The following ARHGEF18 variants were observed in gnomAD, a reference collection of about 807,000 sequenced individuals.
ARHGEF18 encodes rho guanine nucleotide exchange factor 18.
Under a neutral mutation model 155.7 loss-of-function variants are expected in ARHGEF18, and 93 were observed. That is an observed-to-expected ratio of 0.60 (90% confidence interval 0.50 to 0.71). The LOEUF is 0.71. ARHGEF18 is among the 30% of genes least tolerant of loss of function. ARHGEF18 has a pLI of 0.00. For synonymous variants in ARHGEF18, 742 were observed against 753.1 expected, an observed-to-expected ratio of 0.99 and a Z score of 0.24; for missense variants, 1,593 against 1,816.1, an observed-to-expected ratio of 0.88 and a Z score of 2.23.
intron 27 of ARHGEF18, 97 bp from the exon 28 acceptor site, chr19:7,469,807 G>T (rs1307533524): frequency 8.1e-5 from 118 of 1,456,830 alleles, no homozygotes; most frequent in Non-Finnish European, 1.1e-4. Flanking sequence ...GAAGTGTCAG[G>T]TGGGGGTGGC....
intron 1 of ARHGEF18, among the ~76,000 whole-genome samples, chr19:7,358,287 A>T (rs1969406614): frequency 1.3e-5 from 2 of 150,796 alleles, no homozygotes; most frequent in South Asian, 4.2e-4. Flanking sequence ...CCATCCATCC[A>T]TCCATCCACT....
chr19:7,411,692 A>G (rs1972696437), intron 10 of ARHGEF18, among the ~76,000 whole-genome samples: 1 of 152,040 alleles, frequency 6.6e-6, no homozygotes, highest in Non-Finnish European at 1.5e-5. Context: ...TGCTACCATC[A>G]CCACCATCCA....
In ARHGEF18 at chr19:7,372,897, A is replaced by G; in HGVS notation, c.101A>G (p.Gln34Arg). The change falls in exon 3 of 29, where the codon CAG becomes CGG. Residue 34 changes from glutamine (Q) to arginine (R), a missense_variant. Physicochemically the swap from Gln to Arg is conservative, Grantham distance 43. Coordinates refer to ENST00000668164, the MANE Select transcript of ARHGEF18 (RefSeq NM_001367823.1). ...LGALQGSEYL[Q>R]DLGLGAPSHS... ...GCCCTTCAGGGCAGCGAGTATCTGC[A>G]GGACCTGGGCCTTGGGGCCCCTTCC... 1.6e-6 allele frequency: 2 copies of G among 1,234,506 alleles called. No homozygotes were observed. The highest frequency in any genetic ancestry group is 2.0e-6 in the Non-Finnish European group (2 of 988,260). The allele number at this position is 1,234,506 out of a possible 1,614,324, so 76.5% of individuals were successfully genotyped here.
In ARHGEF18 at chr19:7,359,250, A is replaced by C. The variant is rs1372514533; in HGVS notation, c.-110-3531A>C. On this transcript the variant is annotated intron_variant, in intron 1 of 28. Coordinates refer to ENST00000668164, the MANE Select transcript of ARHGEF18 (RefSeq NM_001367823.1). Reference sequence around the variant, plus strand: ...TCAGAGGGTTATATCAAAAGGACACACCAACTCCAGGACAGAAGATGGACT... The same window carrying C: ...TCAGAGGGTTATATCAAAAGGACACCCCAACTCCAGGACAGAAGATGGACT... 2.6e-5 allele frequency among the ~76,000 whole-genome samples: 4 copies of C among 152,284 alleles called. No individual in the cohort carries two copies. The East Asian group carries it at 5.8e-4, about 22-fold the overall frequency.
chr19:7,361,200 C>T (rs753631767), intron 1 of ARHGEF18, among the ~76,000 whole-genome samples: 46 of 152,200 alleles, frequency 3.0e-4, no homozygotes, highest in Non-Finnish European at 6.0e-4. Context: ...CTTTGGGAGG[C>T]CAAGGCGGGG....
chr19:7,387,387 C>T (rs563793794), intron 10 of ARHGEF18, among the ~76,000 whole-genome samples: 2 of 152,024 alleles, frequency 1.3e-5, no homozygotes, highest in African/African-American at 2.4e-5. Context: ...CTCCTGACCT[C>T]GTGATCTGCC....
chr19:7,371,432 C>T (rs1013085195), intron 2 of ARHGEF18, among the ~76,000 whole-genome samples: 8 of 152,198 alleles, frequency 5.3e-5, no homozygotes, highest in African/African-American at 1.4e-4. Flanking sequence ...CCTGTAATCC[C>T]AACACTTTGG....
rs1399797637 is a variant in ARHGEF18, at chr19:7,383,122, G to A, written c.886G>A (p.Val296Ile). The A allele has an allele frequency of 8.1e-7, 1 of 1,232,164 alleles. No individual in the cohort carries two copies. Among genetic ancestry groups the A allele is most frequent in the Non-Finnish European group, 1.0e-6 (1 of 988,076 alleles). The allele number at this position is 1,232,164 out of a possible 1,614,324, so 76.3% of individuals were successfully genotyped here. ...GQDARERREC[V>I]NGHQLLQGTF... ...GGATGCACGAGAGAGGCGGGAGTGT[G>A]TCAATGGGCACCAGCTGTTGCAAGG... The change falls in exon 10 of 29, where the codon GTC becomes ATC. Residue 296 changes from valine (V) to isoleucine (I), a missense_variant. Val to Ile is a conservative substitution (Grantham distance 29). Coordinates refer to ENST00000668164, the MANE Select transcript of ARHGEF18 (RefSeq NM_001367823.1).
intron 10 of ARHGEF18, among the ~76,000 whole-genome samples, chr19:7,385,879 CCT>C (rs1971017143): frequency 3.7e-5 from 2 of 53,568 alleles, no homozygotes; most frequent in African/African-American, 2.4e-4. Flanking sequence ...CTCCCCCCTC[CCT>C]CTCTCCCTCC....
At position 7,467,442 on chromosome 19, in the gene ARHGEF18, G is replaced by A. The variant is rs1165422979; in HGVS notation, c.3238G>A (p.Glu1080Lys). 5 of 1,528,794 alleles carry A rather than the reference G, an allele frequency of 3.3e-6. No homozygotes were observed. In the East Asian group the frequency reaches 1.2e-4, roughly 38 times the overall value. The allele number at this position is 1,528,794 out of a possible 1,614,324, so 94.7% of individuals were successfully genotyped here. The change falls in exon 26 of 29, where the codon GAG (glutamate) becomes AAG (lysine). Residue 1080 changes from glutamate (E) to lysine (K), a missense_variant. Glu to Lys is a moderately conservative substitution (Grantham distance 56). Coordinates refer to ENST00000668164, the MANE Select transcript of ARHGEF18 (RefSeq NM_001367823.1). ...WERERQWQHQ[E>K]LERAGARLQE... is the part of the protein sequence containing the mutation. ...GCGCGAGCGCCAGTGGCAGCACCAG[G>A]AGCTGGAGCGTGCGGGCGCGCGGCT...
chr19:7,381,846 T>C (rs1417264311), intron 8 of ARHGEF18, among the ~76,000 whole-genome samples: 1 of 151,998 alleles, frequency 6.6e-6, no homozygotes, highest in Non-Finnish European at 1.5e-5. Context: ...CTTTCCTCCC[T>C]CCCTCTCTCA....
chr19:7,441,680 C>G lies in ARHGEF18; in HGVS notation c.1134C>G (p.Ala378=). Residue 378 remains alanine, a synonymous_variant, in exon 12 of 29, where the codon GCC becomes GCG. Transcript: ENST00000668164. ...CAATCACAGGAGAGATGGATGAAGC[C>G]GATTCTGCGTTTTTAAAATTTAAGC... ...LGPITGEMDE[A]DSAFLKFKQT... The G allele has an allele frequency of 6.2e-7, 1 of 1,614,086 alleles. No homozygotes were observed. Among genetic ancestry groups the G allele is most frequent in the Non-Finnish European group, 8.5e-7 (1 of 1,180,006 alleles).
downstream of ARHGEF18, among the ~76,000 whole-genome samples, chr19:7,474,629 C>T (rs1038076699): frequency 3.9e-5 from 6 of 152,066 alleles, no homozygotes; most frequent in South Asian, 4.2e-4. Flanking sequence ...CTGCCTGTCT[C>T]GGCCTCCCAA....
At chr19:7,371,977 T>C (rs539368204) in intron 2 of ARHGEF18, among the ~76,000 whole-genome samples, 2 of 152,220 alleles carry the variant, frequency 1.3e-5, no homozygotes, top group Admixed American at 1.3e-4. Context: ...CCAAGACAAG[T>C]GTGGACACTG....
downstream of ARHGEF18, chr19:7,477,106 C>T: frequency 2.5e-6 from 3 of 1,198,136 alleles, no homozygotes; most frequent in East Asian, 3.0e-5. Context: ...CCACAGGCAG[C>T]TCCATGAGAG....
intron 14 of ARHGEF18, among the ~76,000 whole-genome samples, chr19:7,445,162 G>A (rs1333686850): frequency 6.6e-6 from 1 of 152,196 alleles, no homozygotes; most frequent in Non-Finnish European, 1.5e-5. Context: ...AAGCTTACCT[G>A]TTGACTGAGT....
chr19:7,460,937 C>T (rs10420749), intron 20 of ARHGEF18, among the ~76,000 whole-genome samples: 50,050 of 151,508 alleles, frequency 0.33, 8,691 homozygotes, highest in Middle Eastern at 0.5. Context: ...TATAGGCACC[C>T]GCCACCACGC....
chr19:7,467,628 C>T lies in ARHGEF18; in HGVS notation c.3424C>T (p.Arg1142Cys). Residue 1142 changes from arginine to cysteine, a missense_variant, in exon 26 of 29, where the codon CGC becomes TGC. Transcript: ENST00000668164. ...GCGGGAGCGCCTGGAGCTGCTGCGC[C>T]GCCTCAAGAAGCAGAACACCGCGCC... ...RERERLELLR[R>C]LKKQNTAPGA... The T allele has an allele frequency of 2.6e-6, 4 of 1,515,120 alleles. No homozygotes were observed. Among genetic ancestry groups the T allele is most frequent in the South Asian group, 1.2e-5 (1 of 82,168 alleles). The allele number at this position is 1,515,120 out of a possible 1,614,324, so 93.9% of individuals were successfully genotyped here.
intron 1 of ARHGEF18, among the ~76,000 whole-genome samples, chr19:7,362,572 A>G (rs960489777): frequency 2.0e-5 from 3 of 152,142 alleles, no homozygotes; most frequent in African/African-American, 7.2e-5. Context: ...TTGACTAGCA[A>G]TGTCTGCCAT....
Sources: gnomAD v4.1 joint callset for allele counts (sites outside exome capture counted in the v4.1 genomes callset) on GRCh38, gnomAD v4.1.1 for gene constraint, MANE v1.5 for transcripts, NCBI Gene and HGNC (gene_info 2026-07-23, HGNC 2026-07-21) for gene names.